Variants in GTPBP4 observed in about 807,000 individuals in gnomAD.
GTPBP4 encodes GTP binding protein 4.
In GTPBP4, 15 loss-of-function variants were observed where a neutral mutation model predicts 81.7. The ratio of observed to expected loss-of-function variants is 0.18; its 90% CI spans 0.12 to 0.28. The LOEUF is 0.28. Among genes scored for constraint, GTPBP4 ranks in the 10% least tolerant of loss-of-function variants. The probability of loss-of-function intolerance (pLI) is 1.00; values close to 1 mark genes in which losing one functional copy is unlikely to be tolerated. For synonymous variants in GTPBP4, 272 were observed against 274.6 expected (o/e 0.99, Z 0.09); for missense variants, 847 against 793.8 (o/e 1.07, Z -0.81).
Position 1,009,045 on chromosome 10 carries a change from C to A in GTPBP4, c.1191+10C>A. On this transcript the variant is annotated intron_variant, in intron 11 of 16. Coordinates refer to ENST00000360803, the MANE Select transcript of GTPBP4 (RefSeq NM_012341.3). ...GTCCAGGAAGAAGAGGGTATGCTGC[C>A]GAAGCTCTCGCCCAGTGTTCTCATG... 6.3e-7 allele frequency: 1 copy of A among 1,593,170 alleles called. No individual in the cohort carries two copies.
chr10:989,114 CTTTTTTTTTTTT>C (rs869154759), intron 1 of GTPBP4, among the ~76,000 whole-genome samples: 2 of 102,078 alleles, frequency 2.0e-5, no homozygotes, highest in Non-Finnish European at 3.9e-5. Context: ...AGTATTAGGA[CTTTTTTTTTTTT>C]TTTTTTTTTT....
intron 5 of GTPBP4, among the ~76,000 whole-genome samples, chr10:997,899 A>AC (rs1284694466): frequency 2.0e-5 from 3 of 152,142 alleles, no homozygotes; most frequent in Non-Finnish European, 4.4e-5. Flanking sequence ...GATAAGTGTA[A>AC]CATTTAAGGG....
At chr10:993,187 A>C (rs1303659424) in intron 2 of GTPBP4, among the ~76,000 whole-genome samples, 1 of 152,134 alleles carries the variant, frequency 6.6e-6, no homozygotes, top group African/African-American at 2.4e-5. Context: ...GGGAGCTATG[A>C]CTTTTGAATG....
At chr10:1,006,274 G>A (rs1831729783) in intron 9 of GTPBP4, among the ~76,000 whole-genome samples, 2 of 152,258 alleles carry the variant, frequency 1.3e-5, no homozygotes, top group South Asian at 4.1e-4. Flanking sequence ...TTTTGCAGGA[G>A]GCAGTCCGCT....
At chr10:1,002,767 A>T (rs959776249) in intron 8 of GTPBP4, among the ~76,000 whole-genome samples, 5 of 152,194 alleles carry the variant, frequency 3.3e-5, no homozygotes. Context: ...AGGTTTCTGC[A>T]AAGAAATCTG....
intron 13 of GTPBP4, 26 bp from the exon 14 acceptor site, chr10:1,012,439 G>A: frequency 2.0e-6 from 3 of 1,500,110 alleles, no homozygotes; most frequent in South Asian, 2.4e-5. Flanking sequence ...TGTTAATTTT[G>A]CTTCATTACA....
At chr10:994,330 G>A (rs977146567) in intron 2 of GTPBP4, among the ~76,000 whole-genome samples, 3 of 151,394 alleles carry the variant, frequency 2.0e-5, no homozygotes, top group Admixed American at 1.3e-4. Flanking sequence ...GTAAAATGGC[G>A]TGATCTCAGC....
intron 8 of GTPBP4, among the ~76,000 whole-genome samples, chr10:1,001,625 T>A (rs1015485647): frequency 9.9e-5 from 15 of 151,926 alleles, no homozygotes; most frequent in Non-Finnish European, 2.1e-4. Context: ...ATTTCTTCCT[T>A]AATTTCCTCA....
Position 1,017,076 on chromosome 10 carries a change from T to A in GTPBP4, c.1754T>A (p.Met585Lys). The part of the protein sequence containing the change: ...RDVSGLRDVK[M>K]VKKAKTMMKN... ...TTTATTTTTTTCTCCTCCTTTTAGA[T>A]GGTGAAGAAAGCCAAGACTATGATG... Residue 585 changes from methionine to lysine, a missense_variant and splice_region_variant, in exon 17 of 17, where the codon ATG becomes AAG. Around this residue, in one of 3 missense-constraint regions of GTPBP4, gnomAD observed 600 missense variants for 557.1 expected, o/e 1.08. Coordinates refer to ENST00000360803, the MANE Select transcript of GTPBP4 (RefSeq NM_012341.3). 6.2e-7 allele frequency: 1 copy of A among 1,607,988 alleles called. No homozygotes were observed. Among genetic ancestry groups the A allele is most frequent in the Non-Finnish European group, 8.5e-7 (1 of 1,177,542 alleles).
intron 8 of GTPBP4, among the ~76,000 whole-genome samples, chr10:1,004,482 G>A (rs1032971240): frequency 1.3e-5 from 2 of 152,124 alleles, no homozygotes; most frequent in African/African-American, 4.8e-5. Flanking sequence ...ATGGTATGTG[G>A]CTGGTCAGCC....
chr10:990,459 T>A (rs1831422093), intron 1 of GTPBP4, among the ~76,000 whole-genome samples: 1 of 151,986 alleles, frequency 6.6e-6, no homozygotes. Context: ...GCGGTGGCTC[T>A]CGCCTGTAAT....
chr10:1,010,067 T>C (rs562336665), intron 12 of GTPBP4, among the ~76,000 whole-genome samples: 54 of 150,806 alleles, frequency 3.6e-4, no homozygotes, highest in African/African-American at 1.3e-3. Flanking sequence ...GATGGTGGGG[T>C]GATTTCTGTA....
intron 13 of GTPBP4, among the ~76,000 whole-genome samples, chr10:1,011,663 G>A (rs546514423): frequency 1.3e-5 from 2 of 152,222 alleles, no homozygotes; most frequent in Non-Finnish European, 2.9e-5. Flanking sequence ...TGTGCTCCCT[G>A]TGCCTCCATA....
At chr10:1,011,097 ACCTCTTCCCC>A (rs1831858791) in intron 13 of GTPBP4, among the ~76,000 whole-genome samples, 1 of 56,452 alleles carries the variant, frequency 1.8e-5, no homozygotes, top group African/African-American at 6.9e-5. Context: ...TGCCTCCTGC[ACCTCTTCCCC>A]CCACCCCGAG....
intron 8 of GTPBP4, among the ~76,000 whole-genome samples, chr10:1,001,981 T>C (rs556040664): frequency 1.5e-4 from 22 of 151,658 alleles, no homozygotes; most frequent in Admixed American, 1.4e-3. Flanking sequence ...TGGAGTGCAG[T>C]GGCACGGTCT....
intron 1 of GTPBP4, 128 bp from the exon 2 acceptor site, chr10:992,361 C>T: frequency 1.7e-6 from 1 of 583,260 alleles, no homozygotes; most frequent in Non-Finnish European, 3.0e-6. Context: ...GATCGTGCCA[C>T]TGCACTCCAG....
chr10:999,086 A>G lies in GTPBP4; in HGVS notation c.645A>G (p.Leu215=), dbSNP rs546730627. ...TTGGGCACATGGATTATAAGTATCT[A>G]CGTTGGCAGGTGAGAGTCTTGTCTT... ...LFVGHMDYKY[L]RWQVVDTPGI... Residue 215 remains leucine, a synonymous_variant, in exon 6 of 17, where the codon CTA becomes CTG. Transcript: ENST00000360803. 3.2e-6 allele frequency: 5 copies of G among 1,556,936 alleles called. No individual in the cohort carries two copies. The highest frequency in any genetic ancestry group is 1.7e-4 in the Middle Eastern group (1 of 5,968).
At position 992,564 on chromosome 10, in the gene GTPBP4, C is replaced by T. The variant is rs754918027; in HGVS notation, c.124C>T (p.Arg42Cys). ...TATTCATAAACATTACCAAATACAT[C>T]GCATTAGACATTTTTACATGAGAAA... ...TVIHKHYQIH[R>C]IRHFYMRKVK... is the part of the protein sequence containing the mutation. Residue 42 changes from arginine (R) to cysteine (C), a missense_variant, in exon 2 of 17, where the codon CGC becomes TGC. Around this residue, in one of 3 missense-constraint regions of GTPBP4, gnomAD observed 241 missense variants for 216.3 expected, o/e 1.11. Coordinates refer to ENST00000360803, the MANE Select transcript of GTPBP4 (RefSeq NM_012341.3). The T allele has an allele frequency of 5.6e-6, 9 of 1,595,202 alleles. No homozygotes were observed. Among genetic ancestry groups the T allele is most frequent in the Admixed American group, 3.3e-5 (2 of 59,972 alleles).
At chr10:1,007,483 C>G (rs1831764204) in intron 10 of GTPBP4, among the ~76,000 whole-genome samples, 1 of 152,070 alleles carries the variant, frequency 6.6e-6, no homozygotes, top group Non-Finnish European at 1.5e-5. Flanking sequence ...GCCTGTAATC[C>G]CAGCACTTTG....
Sources: allele counts gnomAD v4.1 joint callset (sites outside exome capture counted in the v4.1 genomes callset), GRCh38; gene constraint gnomAD v4.1.1; regional missense constraint gnomAD v4.1.1; transcripts MANE v1.5; gene names NCBI Gene and HGNC (gene_info 2026-07-23, HGNC 2026-07-21).